Variants in SAMTOR observed in about 807,000 individuals in gnomAD.
SAMTOR encodes S-adenosylmethionine sensor upstream of mTORC1.
chr7:112,905,144 C>T, the SAMTOR span, among the ~76,000 whole-genome samples: 10 of 152,164 alleles, frequency 6.6e-5, no homozygotes, highest in East Asian at 3.9e-4. Flanking sequence ...AATCCTAAAC[C>T]GTTTACTCTG....
chr7:112,865,656 T>C, the SAMTOR span, among the ~76,000 whole-genome samples: 2 of 128,880 alleles, frequency 1.6e-5, no homozygotes, highest in Admixed American at 9.0e-5. Context: ...TATTCATATA[T>C]ATATTTCATA....
At chr7:112,863,794 T>C in the SAMTOR span, among the ~76,000 whole-genome samples, 1 of 152,210 alleles carries the variant, frequency 6.6e-6, no homozygotes. Flanking sequence ...GAAAAAGGAA[T>C]GCTTACACAC....
the SAMTOR span, among the ~76,000 whole-genome samples, chr7:112,877,649 C>T: frequency 6.6e-6 from 1 of 151,988 alleles, no homozygotes; most frequent in African/African-American, 2.4e-5. Flanking sequence ...GGATATTTGT[C>T]CCCATTCAAA....
At chr7:112,859,137 T>C in the SAMTOR span, among the ~76,000 whole-genome samples, 1 of 152,212 alleles carries the variant, frequency 6.6e-6, no homozygotes, top group Non-Finnish European at 1.5e-5. Context: ...AACTTTTCCA[T>C]GGGTGTCCAG....
the SAMTOR span, among the ~76,000 whole-genome samples, chr7:112,902,814 C>T: frequency 6.6e-6 from 1 of 151,984 alleles, no homozygotes; most frequent in Non-Finnish European, 1.5e-5. Context: ...AAACCCACTG[C>T]TCTAAAAAAT....
At chr7:112,819,781 T>C in the SAMTOR span, 1 of 152,588 alleles carries the variant, frequency 6.6e-6, no homozygotes, top group Non-Finnish European at 1.5e-5. Context: ...AGGGTCATAC[T>C]ATACCAGCCT....
At chr7:112,939,539 G>A in the SAMTOR span, 6 of 1,612,658 alleles carry the variant, frequency 3.7e-6, no homozygotes, top group Non-Finnish European at 4.2e-6. Flanking sequence ...GGTGACAAGC[G>A]GTTGGGGGTG....
At chr7:112,846,573 C>T in the SAMTOR span, among the ~76,000 whole-genome samples, 1 of 152,080 alleles carries the variant, frequency 6.6e-6, no homozygotes, top group Non-Finnish European at 1.5e-5. Context: ...GGTTAAGTGT[C>T]AAATGAAGTA....
At chr7:112,921,902 C>T in the SAMTOR span, among the ~76,000 whole-genome samples, 2 of 151,618 alleles carry the variant, frequency 1.3e-5, no homozygotes, top group East Asian at 3.9e-4. Context: ...CCATCTCACA[C>T]CACTTAGAAT....
At chr7:112,860,773 A>G in the SAMTOR span, among the ~76,000 whole-genome samples, 1 of 151,802 alleles carries the variant, frequency 6.6e-6, no homozygotes, top group South Asian at 2.1e-4. Flanking sequence ...TTAGCCGGGC[A>G]TGGTGGCGGG....
the SAMTOR span, among the ~76,000 whole-genome samples, chr7:112,909,193 T>C: frequency 6.6e-6 from 1 of 152,194 alleles, no homozygotes; most frequent in African/African-American, 2.4e-5. Context: ...AGAAGTTGAA[T>C]TATGAGCCAT....
the SAMTOR span, among the ~76,000 whole-genome samples, chr7:112,917,664 A>G: frequency 1.3e-5 from 2 of 152,218 alleles, no homozygotes; most frequent in Non-Finnish European, 2.9e-5. Flanking sequence ...TAAAGGAGAA[A>G]ATTCAAACCA....
the SAMTOR span, chr7:112,939,744 G>A: frequency 1.3e-6 from 2 of 1,597,576 alleles, no homozygotes; most frequent in African/African-American, 1.3e-5. Context: ...CCGGCCCCTG[G>A]CTCCATATCG....
the SAMTOR span, among the ~76,000 whole-genome samples, chr7:112,828,293 T>C: frequency 1.3e-5 from 2 of 152,120 alleles, no homozygotes; most frequent in South Asian, 2.1e-4. Flanking sequence ...GAGGTCAAGA[T>C]TGTGGGAAGA....
At chr7:112,892,594 TTCTC>T in the SAMTOR span, among the ~76,000 whole-genome samples, 57 of 151,730 alleles carry the variant, frequency 3.8e-4, no homozygotes, top group African/African-American at 1.2e-3. Flanking sequence ...TATAGGGAGA[TTCTC>T]TCTCTATAAA....
chr7:112,939,452 C>G, the SAMTOR span: 4 of 1,374,642 alleles, frequency 2.9e-6, no homozygotes, highest in South Asian at 1.4e-5. Flanking sequence ...TCAGACCAGG[C>G]CCGGGAGAGC....
At chr7:112,876,049 C>T in the SAMTOR span, among the ~76,000 whole-genome samples, 1 of 152,168 alleles carries the variant, frequency 6.6e-6, no homozygotes, top group Non-Finnish European at 1.5e-5. Flanking sequence ...CAGCCTCCGC[C>T]TCCTGAGCTC....
chr7:112,891,430 G>T, the SAMTOR span, among the ~76,000 whole-genome samples: 1 of 152,096 alleles, frequency 6.6e-6, no homozygotes, highest in African/African-American at 2.4e-5. Context: ...CTATAGTTTT[G>T]GAACTGCTTA....
At chr7:112,838,220 G>A in the SAMTOR span, among the ~76,000 whole-genome samples, 2 of 151,876 alleles carry the variant, frequency 1.3e-5, no homozygotes, top group African/African-American at 4.8e-5. Flanking sequence ...TTACAAGTAA[G>A]TAAGTTTTAG....
Sources: allele counts gnomAD v4.1 joint callset (sites outside exome capture counted in the v4.1 genomes callset), GRCh38; gene constraint gnomAD v4.1.1; transcripts MANE v1.5; gene names NCBI Gene and HGNC (gene_info 2026-07-23, HGNC 2026-07-21).